The following PHF24 variants were observed in gnomAD, a reference collection of about 807,000 sequenced individuals.
The protein encoded by PHF24 is Galpha inhibitory interacting protein.
In PHF24, 25 loss-of-function variants were observed where a neutral mutation model predicts 42.6. The observed-to-expected ratio is 0.59, with a 90% confidence interval of 0.43 to 0.82. PHF24 has a LOEUF of 0.82. PHF24 is among the 40% of genes least tolerant of loss of function. PHF24 has a pLI of 0.00. For synonymous variants in PHF24, 185 were observed against 204.8 expected (o/e 0.90, Z 0.83); for missense variants, 470 against 538.1 (o/e 0.87, Z 1.25).
At chr9:34,920,211 A>G in the PHF24 span, among the ~76,000 whole-genome samples, 1 of 152,200 alleles carries the variant, frequency 6.6e-6, no homozygotes, top group Non-Finnish European at 1.5e-5. Flanking sequence ...CATACTTGCC[A>G]GCATTCATTA....
chr9:34,782,386 A>G, the PHF24 span, among the ~76,000 whole-genome samples: 1 of 152,126 alleles, frequency 6.6e-6, no homozygotes, highest in Non-Finnish European at 1.5e-5. Flanking sequence ...CACTCCATCC[A>G]CAGCTCCTCT....
At chr9:34,978,490 A>AG (rs1262484920) in exon 8 of PHF24, 20 of 205,180 alleles carry the variant, frequency 9.7e-5, no homozygotes, top group African/African-American at 3.0e-4. Context: ...GGTATAGAGG[A>AG]GGGGGTCTCT....
chr9:34,869,640 G>GTA, the PHF24 span, among the ~76,000 whole-genome samples: 1 of 151,828 alleles, frequency 6.6e-6, no homozygotes, highest in Non-Finnish European at 1.5e-5. Flanking sequence ...TGTGTGTTTT[G>GTA]TATACACACA....
the PHF24 span, among the ~76,000 whole-genome samples, chr9:34,701,772 GCCTC>G: frequency 1.3e-5 from 2 of 152,182 alleles, no homozygotes; most frequent in East Asian, 3.9e-4. This position sits in a 1 kb window ranked among gnomAD's most constrained non-coding sequence, Gnocchi z 5.8. Flanking sequence ...AGGCCCCCGA[GCCTC>G]GGGGGTCCTC....
intron 1 of PHF24, among the ~76,000 whole-genome samples, chr9:34,970,837 C>G (rs1342152935): frequency 8.5e-5 from 13 of 152,194 alleles, no homozygotes; most frequent in Non-Finnish European, 1.5e-5. Flanking sequence ...GCTTTCCAGT[C>G]TACGAAGCAC....
At chr9:34,709,838 TG>T in the PHF24 span, 20 of 1,614,222 alleles carry the variant, frequency 1.2e-5, no homozygotes, top group Non-Finnish European at 1.7e-5. Context: ...CGGACAACCT[TG>T]GCGGGAATCT....
chr9:34,942,211 T>C, the PHF24 span, among the ~76,000 whole-genome samples: 1 of 152,202 alleles, frequency 6.6e-6, no homozygotes, highest in Non-Finnish European at 1.5e-5. Flanking sequence ...AACCCTTTTC[T>C]TTTCCAGGTC....
chr9:34,780,741 T>C, the PHF24 span, among the ~76,000 whole-genome samples: 1 of 152,090 alleles, frequency 6.6e-6, no homozygotes, highest in Non-Finnish European at 1.5e-5. Context: ...TATAAATAAA[T>C]CCTACAACTC....
At chr9:34,679,155 G>T in the PHF24 span, among the ~76,000 whole-genome samples, 1 of 152,220 alleles carries the variant, frequency 6.6e-6, no homozygotes, top group African/African-American at 2.4e-5. Context: ...CCATTTTGGT[G>T]GTGGCAGTAG....
the PHF24 span, among the ~76,000 whole-genome samples, chr9:34,928,235 A>AT: frequency 6.6e-6 from 1 of 151,450 alleles, no homozygotes; most frequent in African/African-American, 2.4e-5. Context: ...AAAAAAAAAA[A>AT]TCTACTCTTT....
the PHF24 span, among the ~76,000 whole-genome samples, chr9:34,847,525 AT>A: frequency 2.0e-5 from 3 of 152,042 alleles, no homozygotes; most frequent in Non-Finnish European, 2.9e-5. Context: ...TTTTCTAGAT[AT>A]ACAATCATGT....
At chr9:34,899,075 A>G in the PHF24 span, among the ~76,000 whole-genome samples, 1 of 152,174 alleles carries the variant, frequency 6.6e-6, no homozygotes, top group African/African-American at 2.4e-5. Flanking sequence ...CAGTGGGATC[A>G]GTGTCTTCCT....
chr9:34,876,995 CAT>C, the PHF24 span, among the ~76,000 whole-genome samples: 1 of 152,068 alleles, frequency 6.6e-6, no homozygotes, highest in Non-Finnish European at 1.5e-5. Flanking sequence ...AAAATTCTGA[CAT>C]GTGGCCAGGC....
chr9:34,811,353 A>G, the PHF24 span, among the ~76,000 whole-genome samples: 1 of 152,212 alleles, frequency 6.6e-6, no homozygotes, highest in Admixed American at 6.5e-5. Context: ...GGGGCCTAAT[A>G]GGTGATTAGG....
chr9:34,838,948 G>A, the PHF24 span, among the ~76,000 whole-genome samples: 2 of 152,180 alleles, frequency 1.3e-5, no homozygotes, highest in Non-Finnish European at 2.9e-5. Context: ...AAGAATTTAG[G>A]GAGGGCAGAG....
At chr9:34,669,744 G>T in the PHF24 span, among the ~76,000 whole-genome samples, 1 of 152,066 alleles carries the variant, frequency 6.6e-6, no homozygotes, top group Non-Finnish European at 1.5e-5. Context: ...GAATTTGACT[G>T]CCTTTTGTCC....
At chr9:34,780,837 C>T in the PHF24 span, among the ~76,000 whole-genome samples, 85,461 of 151,926 alleles carry the variant, frequency 0.56, 25,013 homozygotes, top group Non-Finnish European at 0.65. Context: ...TACAAATGGC[C>T]AGCAAGCACA....
At chr9:34,886,423 C>T in the PHF24 span, among the ~76,000 whole-genome samples, 1 of 152,166 alleles carries the variant, frequency 6.6e-6, no homozygotes, top group Non-Finnish European at 1.5e-5. Flanking sequence ...GGCTATTCTT[C>T]TCAGGGTCAT....
the PHF24 span, among the ~76,000 whole-genome samples, chr9:34,760,841 A>T: frequency 1.3e-5 from 2 of 152,132 alleles, no homozygotes; most frequent in African/African-American, 4.8e-5. Context: ...AAATTACAAA[A>T]ATCAGCCGGG....
Sources: gnomAD v4.1 joint callset for allele counts (sites outside exome capture counted in the v4.1 genomes callset) on GRCh38, gnomAD v4.1.1 for gene constraint, Gnocchi (gnomAD v3.1) non-coding constraint, MANE v1.5 for transcripts, NCBI Gene and HGNC (gene_info 2026-07-23, HGNC 2026-07-21) for gene names.